Variants in PCSK4 observed in about 807,000 individuals in gnomAD.
PCSK4 encodes proprotein convertase subtilisin/kexin type 4.
In PCSK4, 64 loss-of-function variants were observed where a neutral mutation model predicts 80.3. That is an observed-to-expected ratio of 0.80 (90% CI 0.65 to 0.98). PCSK4 has a LOEUF of 0.98. Among genes scored for constraint, PCSK4 ranks in the 50% least tolerant of loss-of-function variants. The probability of loss-of-function intolerance (pLI) is 0.00; values close to 1 mark genes in which losing one functional copy is unlikely to be tolerated. For synonymous variants in PCSK4, 561 were observed against 487.6 expected (o/e 1.15, Z -1.98); for missense variants, 1,213 against 1,093.6 (o/e 1.11, Z -1.54).
rs1214927428 is a variant in PCSK4, at chr19:1,486,848, C to T, written c.1068+5G>A. ...AGGGGACCCTGTTGGGGCGGCTGCA[C>T]TCACGATCTGGGGGTCGGTGGCCAC... On this transcript the variant is annotated splice_donor_5th_base_variant and intron_variant, in intron 8 of 14. Coordinates refer to ENST00000300954, the Ensembl canonical transcript of PCSK4. 1.3e-6 allele frequency: 2 copies of T among 1,593,614 alleles called. No individual in the cohort carries two copies. The highest frequency in any genetic ancestry group is 8.5e-7 in the Non-Finnish European group (1 of 1,177,398).
exon 15 of PCSK4, chr19:1,481,869 C>G (rs1222326768): frequency 1.9e-6 from 3 of 1,587,058 alleles, no homozygotes; most frequent in Non-Finnish European, 2.6e-6. Context: ...ACGGGGCCTC[C>G]GAGGGTCACG....
chr19:1,490,588 A>G, upstream of PCSK4: 1 of 472,380 alleles, frequency 2.1e-6, no homozygotes, highest in Admixed American at 3.9e-5. Context: ...CCATTTGTAC[A>G]ACGACAAGAC....
chr19:1,482,767 G>A (rs1156480754), intron 13 of PCSK4, 129 bp downstream of exon 13: 2 of 1,002,820 alleles, frequency 2.0e-6, no homozygotes, highest in Non-Finnish European at 1.5e-6. Flanking sequence ...CGCCTACTGT[G>A]TGCATGTTCT....
upstream of PCSK4, chr19:1,490,611 G>A: frequency 2.3e-6 from 1 of 429,010 alleles, no homozygotes; most frequent in Non-Finnish European, 4.1e-6. Flanking sequence ...ACCCAGAGAA[G>A]CGGGTTCACT....
At chr19:1,483,333 T>A in exon 12 of PCSK4, 1 of 1,609,748 alleles carries the variant, frequency 6.2e-7, no homozygotes, top group Non-Finnish European at 8.5e-7. Context: ...GTGAGCGAGA[T>A]CTCCAGGTCT....
At chr19:1,487,622 A>G (rs2084701587) in exon 6 of PCSK4, 22 of 1,552,678 alleles carry the variant, frequency 1.4e-5, no homozygotes, top group Non-Finnish European at 1.7e-5. Flanking sequence ...GGGCGTTGAA[A>G]GCGACCCCCA....
At chr19:1,487,673 A>C (rs2084705178) in exon 6 of PCSK4, 1 of 1,555,028 alleles carries the variant, frequency 6.4e-7, no homozygotes, top group Admixed American at 2.0e-5. Flanking sequence ...CCACCTCCCC[A>C]GCACAGCGGG....
Position 1,483,544 on chromosome 19 carries a change from G to C in PCSK4, c.1392-81C>G, listed in dbSNP as rs974437872. The C allele has an allele frequency of 6.2e-4, 876 of 1,417,770 alleles. 1 individual carries two copies. Among genetic ancestry groups the C allele is most frequent in the Non-Finnish European group, 7.8e-4 (809 of 1,038,118 alleles). 87.8% of individuals were successfully genotyped at this position (1,417,770 alleles called of 1,614,324 possible). On this transcript the variant is annotated intron_variant, in intron 11 of 14. Transcript: ENST00000300954. ...GGCCAGCAGGCGAGGTCGGGGCTCA[G>C]AGGTCACGGGGTCCAGCCCTCGTTT...
chr19:1,487,947 GC>G lies in PCSK4; in HGVS notation c.516+16del. 6.2e-7 allele frequency: 1 copy of G among 1,600,558 alleles called. No homozygotes were observed. The highest frequency in any genetic ancestry group is 8.5e-7 in the Non-Finnish European group (1 of 1,170,696). On this transcript the variant is annotated intron_variant, in intron 4 of 14. Transcript: ENST00000300954. The stretch of plus-strand genomic sequence containing the variant: ...GCACCTGGGGCAGCCCTCGCCCACA[GC>G]CACCCGCGGTCTCACGTAGTTGGCC...
At chr19:1,482,718 G>A (rs996906677) in intron 13 of PCSK4, 178 bp downstream of exon 13, 14 of 774,378 alleles carry the variant, frequency 1.8e-5, no homozygotes, top group Admixed American at 2.5e-5. Context: ...CACACCTACT[G>A]TGTGCCTGTC....
chr19:1,489,313 C>T (rs1215880737), intron 2 of PCSK4, among the ~76,000 whole-genome samples: 1 of 152,008 alleles, frequency 6.6e-6, no homozygotes, highest in Non-Finnish European at 1.5e-5. Context: ...TTTGTATTTT[C>T]AGTAGAGACA....
rs749653478 is a variant in PCSK4, at chr19:1,487,027, C to T, written c.894G>A (p.Ser298=). The change falls in exon 8 of 15, where the codon TCG becomes TCA. Residue 298 remains serine, a synonymous_variant. Coordinates refer to ENST00000300954, the Ensembl canonical transcript of PCSK4. ...TGTCGTAGTGCAGGCCGCCGTTGCC[C>T]GAGGCCCAGATGAAGAGCGTGCCCA... 32 of 1,608,104 alleles carry T rather than the reference C, an allele frequency of 2.0e-5. No individual in the cohort carries two copies. In the Admixed American group the frequency reaches 3.7e-4, roughly 18 times the overall value.
At chr19:1,487,635 C>A in exon 6 of PCSK4, 1 of 1,554,166 alleles carries the variant, frequency 6.4e-7, no homozygotes, top group Non-Finnish European at 8.7e-7. Flanking sequence ...GACCCCCACA[C>A]CACAGAAGCC....
At chr19:1,481,933 G>C in exon 15 of PCSK4, 1 of 1,597,084 alleles carries the variant, frequency 6.3e-7, no homozygotes, top group Non-Finnish European at 8.5e-7. Context: ...GGGGACAGGC[G>C]GCAGCTCTAA....
At chr19:1,487,367 C>A in intron 6 of PCSK4, 54 bp from the exon 7 acceptor site, 3 of 1,413,450 alleles carry the variant, frequency 2.1e-6, no homozygotes, top group Non-Finnish European at 1.9e-6. Flanking sequence ...TTCCCCACAC[C>A]CCAGCCCGCC....
exon 9 of PCSK4, chr19:1,484,113 C>G (rs779673841): frequency 2.6e-6 from 4 of 1,561,370 alleles, no homozygotes; most frequent in Non-Finnish European, 3.5e-6. Flanking sequence ...ACCCGTGATG[C>G]AGGTCCGTGG....
At chr19:1,489,756 A>AC in intron 2 of PCSK4, 37 bp downstream of exon 2, 1 of 1,578,482 alleles carries the variant, frequency 6.3e-7, no homozygotes, top group Non-Finnish European at 8.6e-7. Context: ...GGCAGCTGAG[A>AC]CCCCGGGCAG....
intron 2 of PCSK4, among the ~76,000 whole-genome samples, chr19:1,488,643 C>T (rs551886356): frequency 2.8e-4 from 43 of 152,122 alleles, no homozygotes; most frequent in Non-Finnish European, 5.0e-4. Context: ...TGCAGTGGCG[C>T]AATCTTGGCT....
chr19:1,484,163 G>A, intron 8 of PCSK4, 36 bp from the exon 9 acceptor site: 2 of 1,200,048 alleles, frequency 1.7e-6, no homozygotes, highest in Non-Finnish European at 2.4e-6. Context: ...GGGGGGCCGT[G>A]CACAGTGAGA....
Sources: allele counts gnomAD v4.1 joint callset (sites outside exome capture counted in the v4.1 genomes callset), GRCh38; gene constraint gnomAD v4.1.1; transcripts MANE v1.5; gene names NCBI Gene and HGNC (gene_info 2026-07-23, HGNC 2026-07-21).